Variants in MTERF4 observed in about 807,000 individuals in gnomAD.
MTERF4 encodes transcription termination factor 4, mitochondrial.
A neutral mutation model predicts 22.5 loss-of-function variants in MTERF4; 17 were observed. The observed-to-expected ratio is 0.75, with a 90% confidence interval of 0.52 to 1.13. MTERF4 has a LOEUF of 1.13. MTERF4 is among the 50% of genes most tolerant of loss of function. MTERF4 has a pLI of 0.00. For synonymous variants in MTERF4, 165 were observed against 175.3 expected, an observed-to-expected ratio of 0.94 and a Z score of 0.47; for missense variants, 420 against 466.8, an observed-to-expected ratio of 0.90 and a Z score of 0.92.
At chr2:241,071,740 G>A (rs777250337), downstream of MTERF4, 6 of 1,529,690 alleles carry the variant, frequency 3.9e-6, no homozygotes. Context: ...CCACCCATCG[G>A]CCCCATCGCC....
At chr2:241,048,814 A>C in the MTERF4 span, 1 of 1,464,370 alleles carries the variant, frequency 6.8e-7, no homozygotes, top group Non-Finnish European at 9.4e-7. Flanking sequence ...GCATCCTCAT[A>C]ATCGGGAAAT....
downstream of MTERF4, chr2:241,088,693 A>C: frequency 7.1e-6 from 3 of 424,256 alleles, no homozygotes; most frequent in Non-Finnish European, 4.2e-6. Flanking sequence ...TGGCCAAGAA[A>C]CCCCTAGATC....
chr2:241,067,998 GC>G (rs2062534269), downstream of MTERF4: 1 of 1,523,588 alleles, frequency 6.6e-7, no homozygotes, highest in Non-Finnish European at 9.0e-7. Flanking sequence ...AGGGGTGGGG[GC>G]TCGGGGACAC....
exon 5 of MTERF4, chr2:241,074,508 A>G (rs1056433376): frequency 6.6e-6 from 1 of 152,152 alleles, no homozygotes; most frequent in Non-Finnish European, 1.5e-5. Flanking sequence ...CCAGGTGTTC[A>G]TTTCCTAGAA....
the MTERF4 span, chr2:241,053,432 T>C: frequency 8.6e-7 from 1 of 1,162,076 alleles, no homozygotes; most frequent in Non-Finnish European, 1.2e-6. Flanking sequence ...GATGCCCAGC[T>C]CTGACCTGGT....
chr2:241,090,360 A>G, downstream of MTERF4: 1 of 1,550,352 alleles, frequency 6.5e-7, no homozygotes, highest in East Asian at 2.4e-5. Context: ...ACCTCCTGTG[A>G]CAATGATGCC....
At chr2:241,063,046 C>T in the MTERF4 span, 1 of 606,028 alleles carries the variant, frequency 1.7e-6, no homozygotes, top group Non-Finnish European at 2.9e-6. Flanking sequence ...CCAGCTCTGA[C>T]ATCCAAGACA....
At chr2:241,071,070 T>G (rs530253291), downstream of MTERF4, among the ~76,000 whole-genome samples, 7 of 150,536 alleles carry the variant, frequency 4.7e-5, no homozygotes, top group South Asian at 2.1e-4. Flanking sequence ...GGCGTCAGAG[T>G]GAGAGGGAGA....
chr2:241,059,112 C>T, the MTERF4 span, among the ~76,000 whole-genome samples: 2 of 152,170 alleles, frequency 1.3e-5, no homozygotes, highest in African/African-American at 2.4e-5. Flanking sequence ...GACAAGAGAA[C>T]ACCTATGAGC....
chr2:241,060,471 C>G, the MTERF4 span, among the ~76,000 whole-genome samples: 1 of 152,178 alleles, frequency 6.6e-6, no homozygotes, highest in African/African-American at 2.4e-5. Context: ...CGCGAGCCAC[C>G]ATGCCCGTCC....
At chr2:241,052,581 G>T in the MTERF4 span, 1 of 870,688 alleles carries the variant, frequency 1.1e-6, no homozygotes. Context: ...AGGTGAGAGG[G>T]CCAGGGGGCC....
At chr2:241,069,739 G>T (rs1004702469), downstream of MTERF4, among the ~76,000 whole-genome samples, 2 of 152,080 alleles carry the variant, frequency 1.3e-5, no homozygotes, top group African/African-American at 4.8e-5. The surrounding 1 kb of genome is among the most constrained non-coding windows in gnomAD (Gnocchi z 4.9). Flanking sequence ...CAGGTCTCTC[G>T]GTTGGAAGAT....
chr2:241,067,443 C>T (rs2062503848), downstream of MTERF4, among the ~76,000 whole-genome samples: 2 of 152,220 alleles, frequency 1.3e-5, no homozygotes, highest in Non-Finnish European at 2.9e-5. Flanking sequence ...TACTCATGTC[C>T]AGAGGGACTC....
intron 2 of MTERF4, among the ~76,000 whole-genome samples, chr2:241,098,171 C>G (rs1284051269): frequency 6.6e-6 from 1 of 152,176 alleles, no homozygotes; most frequent in Non-Finnish European, 1.5e-5. Context: ...TAGTGATTAT[C>G]TTAATATGTG....
At chr2:241,083,281 T>C (rs1256085376), downstream of MTERF4, among the ~76,000 whole-genome samples, 2 of 151,784 alleles carry the variant, frequency 1.3e-5, no homozygotes, top group Non-Finnish European at 2.9e-5. Context: ...AAGTCAGGAG[T>C]GTCCCTGGCA....
downstream of MTERF4, chr2:241,071,453 C>T: frequency 8.5e-7 from 1 of 1,176,968 alleles, no homozygotes; most frequent in Non-Finnish European, 1.2e-6. Context: ...ACGGCCCACG[C>T]ACATGCCCCC....
chr2:241,059,130 G>C, the MTERF4 span, among the ~76,000 whole-genome samples: 3 of 152,136 alleles, frequency 2.0e-5, no homozygotes, highest in Non-Finnish European at 2.9e-5. Flanking sequence ...AGCAATTTTA[G>C]GCCAATGTAT....
At chr2:241,069,977 T>C (rs753516894), downstream of MTERF4, 2 of 1,612,988 alleles carry the variant, frequency 1.2e-6, no homozygotes, top group South Asian at 1.1e-5. The surrounding 1 kb of genome is among the most constrained non-coding windows in gnomAD (Gnocchi z 4.9). Context: ...TCTGCCCACG[T>C]GGTCTGGGAT....
downstream of MTERF4, among the ~76,000 whole-genome samples, chr2:241,068,177 A>T (rs140240269): frequency 3.2e-3 from 480 of 152,268 alleles, 1 homozygote; most frequent in African/African-American, 0.011. This position sits in a 1 kb window ranked among gnomAD's most constrained non-coding sequence, Gnocchi z 5.3. Context: ...GTAGTGTTTT[A>T]AAGTGTCCAA....
Sources: gnomAD v4.1 joint callset for allele counts (sites outside exome capture counted in the v4.1 genomes callset) on GRCh38, gnomAD v4.1.1 for gene constraint, Gnocchi (gnomAD v3.1) non-coding constraint, MANE v1.5 for transcripts, NCBI Gene and HGNC (gene_info 2026-07-23, HGNC 2026-07-21) for gene names.